PABPC3: variants seen among roughly 807,000 people sequenced by gnomAD.
PABPC3 encodes poly(A) binding protein cytoplasmic 3.
A neutral mutation model predicts 43.0 loss-of-function variants in PABPC3; 43 were observed. That is an observed-to-expected ratio of 1.00 (90% CI 0.78 to 1.29). The LOEUF is 1.29. PABPC3 is among the 50% of genes most tolerant of loss of function. PABPC3 has a pLI of 0.00. For synonymous variants in PABPC3, 221 were observed against 274.6 expected (o/e 0.80, Z 1.93); for missense variants, 784 against 798.1 (o/e 0.98, Z 0.21).
Position 25,098,092 on chromosome 13 carries a change from T to G in PABPC3, c.1894T>G (p.Ter632GluextTer2). 1 of 1,612,812 alleles carries G rather than the reference T, an allele frequency of 6.2e-7. No individual in the cohort carries two copies. Among genetic ancestry groups the G allele is most frequent in the South Asian group, 1.1e-5 (1 of 90,864 alleles). The part of the protein sequence containing the change: ...VNSATGVPTV[*>E] Reference sequence around the variant, plus strand: ...CAGTGCTACCGGTGTTCCAACTGTTTAAAATTGATCAGAGACCACGAAAAG... The same window carrying G: ...CAGTGCTACCGGTGTTCCAACTGTTGAAAATTGATCAGAGACCACGAAAAG... Residue 632 changes from the stop codon to glutamate (E), a stop_lost, in exon 1 of 1, where the codon TAA (stop) becomes GAA (glutamate). Coordinates refer to ENST00000281589, the MANE Select transcript of PABPC3 (RefSeq NM_030979.3).
rs1457957648 is a variant in PABPC3 at position 25,098,525 on chromosome 13, T to C, written c.*431T>C. 1.8e-5 allele frequency: 3 copies of C among 168,192 alleles called. No individual in the cohort carries two copies. Among genetic ancestry groups the C allele is most frequent in the African/African-American group, 7.2e-5 (3 of 41,454 alleles). 10.4% of individuals were successfully genotyped at this position (168,192 alleles called of 1,614,324 possible). ...ACTGAGCAAGGAAACATGGTTTGGA[T>C]TATAAAATTCTTGCTTTAATAAAAA... On this transcript the variant is annotated 3_prime_UTR_variant, in exon 1 of 1. Coordinates refer to ENST00000281589, the MANE Select transcript of PABPC3 (RefSeq NM_030979.3).
chr13:25,097,396 T>G lies in PABPC3; in HGVS notation c.1198T>G (p.Ser400Ala), dbSNP rs967007637. The change falls in exon 1 of 1, where the codon TCA (serine) becomes GCA (alanine). Residue 400 changes from serine (S) to alanine (A), a missense_variant. Physicochemically the swap from Ser to Ala is moderately conservative, Grantham distance 99. Coordinates refer to ENST00000281589, the MANE Select transcript of PABPC3 (RefSeq NM_030979.3). ...TGTGCCCAACCAGCGAGCACCTCCT[T>G]CAGGTTACTTCATGACAGCTGTCCC... The part of the protein sequence containing the change: ...RAVPNQRAPP[S>A]GYFMTAVPQT... 1.2e-5 allele frequency: 19 copies of G among 1,614,006 alleles called. No individual in the cohort carries two copies. The highest frequency in any genetic ancestry group is 1.7e-6 in the Non-Finnish European group (2 of 1,180,032).
In PABPC3 at chr13:25,097,876, C is replaced by G. The variant is rs778961048; in HGVS notation, c.1678C>G (p.Arg560Gly). The change falls in exon 1 of 1, where the codon CGG becomes GGG. Residue 560 changes from arginine to glycine, a missense_variant. Physicochemically the swap from Arg to Gly is moderately radical, Grantham distance 125. Transcript: ENST00000281589. ...AAAGCAAAAGCAAATGTTAGGTGAA[C>G]GGCTCTTTCCTCTTATTCAAGCCAT... ...PQKQKQMLGE[R>G]LFPLIQAMHP... The G allele has an allele frequency of 9.5e-6, 15 of 1,586,022 alleles. No individual in the cohort carries two copies. The highest frequency in any genetic ancestry group is 1.3e-5 in the Non-Finnish European group (15 of 1,169,022).
rs139134052 is a variant in PABPC3, at chr13:25,097,688, C to T, written c.1490C>T (p.Thr497Ile). Residue 497 changes from threonine (T) to isoleucine (I), a missense_variant, in exon 1 of 1, where the codon ACC becomes ATC. Transcript: ENST00000281589. Reference protein sequence around the residue: ...RPAAAAAAAATPAVRTVPRYK... With the variant: ...RPAAAAAAAAIPAVRTVPRYK... ...GCAGCTGCTGCTGCTGCTGCAGCTACCCCTGCTGTGCGCACGGTTCCACGG... is the reference window on the plus strand; with the variant it reads ...GCAGCTGCTGCTGCTGCTGCAGCTATCCCTGCTGTGCGCACGGTTCCACGG... 3,968 of 1,614,202 alleles carry T rather than the reference C, an allele frequency of 2.5e-3. 3 individuals are homozygous for T. Among genetic ancestry groups the T allele is most frequent in the Non-Finnish European group, 3.2e-3 (3,752 of 1,180,016 alleles).
At position 25,098,161 on chromosome 13, in the gene PABPC3, C is replaced by T. The variant is rs1320921632; in HGVS notation, c.*67C>T. On this transcript the variant is annotated 3_prime_UTR_variant, in exon 1 of 1. Transcript: ENST00000281589. Reference sequence around the variant, plus strand: ...AGAAAAATATCTAAACATCGAGAAACTATGGGAAAAAAAATTGCAAAATCT... The same window carrying T: ...AGAAAAATATCTAAACATCGAGAAATTATGGGAAAAAAAATTGCAAAATCT... 3.6e-6 allele frequency: 5 copies of T among 1,403,006 alleles called. No homozygotes were observed. In the African/African-American group the frequency reaches 7.3e-5, roughly 20 times the overall value. The allele number at this position is 1,403,006 out of a possible 1,614,324, so 86.9% of individuals were successfully genotyped here.
rs1180217094 is a variant in PABPC3, at chr13:25,099,064, C to CT, written c.*971dup. The CT allele has an allele frequency of 6.0e-6, 1 of 166,602 alleles. No homozygotes were observed. The highest frequency in any genetic ancestry group is 6.6e-5 in the Admixed American group (1 of 15,242). The allele number at this position is 166,602 out of a possible 1,614,324, so 10.3% of individuals were successfully genotyped here. A position where few individuals can be genotyped will look rare whatever the true frequency, so the allele number is the denominator to read the frequency against. ...CTCCTCCTCCCAATATAATTTATCA[C>CT]TACTTGTAGCTCCTTTATTGGTAAT... On this transcript the variant is annotated 3_prime_UTR_variant, in exon 1 of 1. Coordinates refer to ENST00000281589, the MANE Select transcript of PABPC3 (RefSeq NM_030979.3).
rs777549053 is a variant in PABPC3 at position 25,096,320 on chromosome 13, G to A, written c.122G>A (p.Arg41Gln). ...FSPAGPILSI[R>Q]ICRDLITSGS... ...CCGGCAGGGCCCATCCTCTCCATCC[G>A]GATCTGCAGGGACTTGATCACCAGC... is the stretch of plus-strand genomic sequence containing the variant. The change falls in exon 1 of 1, where the codon CGG becomes CAG. Residue 41 changes from arginine (R) to glutamine (Q), a missense_variant. Arg to Gln is a conservative substitution (Grantham distance 43, BLOSUM62 1). Coordinates refer to ENST00000281589, the MANE Select transcript of PABPC3 (RefSeq NM_030979.3). 1.9e-6 allele frequency: 3 copies of A among 1,614,248 alleles called. No individual in the cohort carries two copies.
rs531213141 is a variant in PABPC3 at position 25,098,493 on chromosome 13, A to G, written c.*399A>G. The G allele has an allele frequency of 3.9e-4, 69 of 176,290 alleles. 3 individuals are homozygous for G. In the South Asian group the frequency reaches 0.012, roughly 30 times the overall value. The allele number at this position is 176,290 out of a possible 1,614,324, so 10.9% of individuals were successfully genotyped here. On this transcript the variant is annotated 3_prime_UTR_variant, in exon 1 of 1. Coordinates refer to ENST00000281589, the MANE Select transcript of PABPC3 (RefSeq NM_030979.3). ...TGTCCATTCTGTTTTAAGTAACAGAATTGATAACTGAGCAAGGAAACATGG... is the reference window on the plus strand; with the variant it reads ...TGTCCATTCTGTTTTAAGTAACAGAGTTGATAACTGAGCAAGGAAACATGG...
Position 25,097,036 on chromosome 13 carries a change from T to A in PABPC3, c.838T>A (p.Phe280Ile). Residue 280 changes from phenylalanine to isoleucine, a missense_variant, in exon 1 of 1, where the codon TTT becomes ATT. Phe to Ile is a conservative substitution (Grantham distance 21, BLOSUM62 0). Transcript: ENST00000281589. ...ACGGCAGACGGAACTTAAGCGCACA[T>A]TTGAACAGATGAAGCAAGATAGGAT... Reference protein sequence around the residue: ...VERQTELKRTFEQMKQDRITR... With the variant: ...VERQTELKRTIEQMKQDRITR... 1 of 1,609,980 alleles carries A rather than the reference T, an allele frequency of 6.2e-7. No individual in the cohort carries two copies. Among genetic ancestry groups the A allele is most frequent in the Non-Finnish European group, 8.5e-7 (1 of 1,178,754 alleles).
Position 25,097,007 on chromosome 13 carries a change from T to G in PABPC3, c.809T>G (p.Val270Gly). The G allele has an allele frequency of 2.7e-6, 4 of 1,480,078 alleles. No individual in the cohort carries two copies. Among genetic ancestry groups the G allele is most frequent in the Middle Eastern group, 1.7e-4 (1 of 5,808 alleles). The allele number at this position is 1,480,078 out of a possible 1,614,324, so 91.7% of individuals were successfully genotyped here. ...TACGTTGGTCGAGCTCAGAAAAAAG[T>G]GGAACGGCAGACGGAACTTAAGCGC... The part of the protein sequence containing the change: ...QIYVGRAQKK[V>G]ERQTELKRTF... The change falls in exon 1 of 1, where the codon GTG becomes GGG. Residue 270 changes from valine (V) to glycine (G), a missense_variant. Physicochemically the swap from Val to Gly is moderately radical, Grantham distance 109. Transcript: ENST00000281589.
In PABPC3 at chr13:25,096,296, C is replaced by T. The variant is rs774277441; in HGVS notation, c.98C>T (p.Pro33Leu). 16 of 1,614,122 alleles carry T rather than the reference C, an allele frequency of 9.9e-6. No individual in the cohort carries two copies. In the African/African-American group the frequency reaches 1.2e-4, roughly 12 times the overall value. ...GCGATGCTCTACGAGAAGTTCAGCC[C>T]GGCAGGGCCCATCCTCTCCATCCGG... ...TEAMLYEKFS[P>L]AGPILSIRIC... The change falls in exon 1 of 1, where the codon CCG becomes CTG. Residue 33 changes from proline (P) to leucine (L), a missense_variant. Physicochemically the swap from Pro to Leu is moderately conservative, Grantham distance 98 (BLOSUM62 -3). Coordinates refer to ENST00000281589, the MANE Select transcript of PABPC3 (RefSeq NM_030979.3).
Position 25,098,424 on chromosome 13 carries a change from C to T in PABPC3, c.*330C>T, listed in dbSNP as rs1956061036. 4.1e-6 allele frequency: 1 copy of T among 241,692 alleles called. No homozygotes were observed. Among genetic ancestry groups the T allele is most frequent in the Non-Finnish European group, 8.5e-6 (1 of 117,092 alleles). 15.0% of individuals were successfully genotyped at this position (241,692 alleles called of 1,614,324 possible). ...TTCAGCAAAGTACAAAAATTTAAAG[C>T]ATTCCTTTAATTTTTTAATTCTTTA... On this transcript the variant is annotated 3_prime_UTR_variant, in exon 1 of 1. Coordinates refer to ENST00000281589, the MANE Select transcript of PABPC3 (RefSeq NM_030979.3).
In PABPC3 at chr13:25,098,251, C is replaced by G. The variant is rs1326904715; in HGVS notation, c.*157C>G. 2.1e-5 allele frequency: 14 copies of G among 652,046 alleles called. No individual in the cohort carries two copies. In the East Asian group the frequency reaches 3.8e-4, roughly 18 times the overall value. The allele number at this position is 652,046 out of a possible 1,614,324, so 40.4% of individuals were successfully genotyped here. A position where few individuals can be genotyped will look rare whatever the true frequency, so the allele number is the denominator to read the frequency against. ...GAAACTTTGAACCTTATGTACCGAGCAAATGCAAGGTCTAGCAAATATAAT... is the reference window on the plus strand; with the variant it reads ...GAAACTTTGAACCTTATGTACCGAGGAAATGCAAGGTCTAGCAAATATAAT... On this transcript the variant is annotated 3_prime_UTR_variant, in exon 1 of 1. Coordinates refer to ENST00000281589, the MANE Select transcript of PABPC3 (RefSeq NM_030979.3).
Position 25,096,194 on chromosome 13 carries a change from C to A in PABPC3, c.-5C>A, listed in dbSNP as rs780584126. 4.4e-6 allele frequency: 7 copies of A among 1,607,774 alleles called. No individual in the cohort carries two copies. The highest frequency in any genetic ancestry group is 6.0e-6 in the Non-Finnish European group (7 of 1,175,728). On this transcript the variant is annotated 5_prime_UTR_variant, in exon 1 of 1. Coordinates refer to ENST00000281589, the MANE Select transcript of PABPC3 (RefSeq NM_030979.3). ...CTTGTGTGCCTGCGGGCAGCCGTGC[C>A]GAGAATGAACCCCAGCACCCCCAGC...
rs563373116 is a variant in PABPC3 at position 25,097,735 on chromosome 13, C to T, written c.1537C>T (p.Arg513Cys). 9.9e-6 allele frequency: 16 copies of T among 1,614,022 alleles called. No homozygotes were observed. In the South Asian group the frequency reaches 1.2e-4, roughly 12 times the overall value. ...VPRYKYAAGV[R>C]NPQQHRNAQP... ...ACGGTATAAATATGCTGCGGGAGTT[C>T]GCAATCCTCAGCAACATCGTAATGC... The change falls in exon 1 of 1, where the codon CGC becomes TGC. Residue 513 changes from arginine (R) to cysteine (C), a missense_variant. Physicochemically the swap from Arg to Cys is radical, Grantham distance 180. Transcript: ENST00000281589.
chr13:25,098,147 T>C lies in PABPC3; in HGVS notation c.*53T>C. On this transcript the variant is annotated 3_prime_UTR_variant, in exon 1 of 1. Coordinates refer to ENST00000281589, the MANE Select transcript of PABPC3 (RefSeq NM_030979.3). The stretch of plus-strand genomic sequence containing the variant: ...TTGTGCTTCACCGAAGAAAAATATC[T>C]AAACATCGAGAAACTATGGGAAAAA... 6.8e-7 allele frequency: 1 copy of C among 1,475,640 alleles called. No homozygotes were observed. The highest frequency in any genetic ancestry group is 9.3e-7 in the Non-Finnish European group (1 of 1,069,674). The allele number at this position is 1,475,640 out of a possible 1,614,324, so 91.4% of individuals were successfully genotyped here. A position where few individuals can be genotyped will look rare whatever the true frequency, so the allele number is the denominator to read the frequency against.
At position 25,096,150 on chromosome 13, in the gene PABPC3, T is replaced by G. The variant is rs752819884; in HGVS notation, c.-49T>G. On this transcript the variant is annotated 5_prime_UTR_variant, in exon 1 of 1. Coordinates refer to ENST00000281589, the MANE Select transcript of PABPC3 (RefSeq NM_030979.3). ...CCGGCCCCGGCACGCGCTCTACTCC[T>G]GTAACGGAAAGGTCGCGGCTTGTGT... 10 of 1,570,886 alleles carry G rather than the reference T, an allele frequency of 6.4e-6. No individual in the cohort carries two copies. Among genetic ancestry groups the G allele is most frequent in the Non-Finnish European group, 8.7e-6 (10 of 1,155,608 alleles).
At position 25,097,480 on chromosome 13, in the gene PABPC3, A is replaced by C. The variant is rs1202292951; in HGVS notation, c.1282A>C (p.Ser428Arg). 6.2e-7 allele frequency: 1 copy of C among 1,614,142 alleles called. No individual in the cohort carries two copies. The highest frequency in any genetic ancestry group is 8.5e-7 in the Non-Finnish European group (1 of 1,180,056). The change falls in exon 1 of 1, where the codon AGT (serine) becomes CGT (arginine). Residue 428 changes from serine to arginine, a missense_variant. Transcript: ENST00000281589. ...PPSQIARLRP[S>R]PRWTAQGARP... ...TAGCCAAATTGCTCGACTAAGACCA[A>C]GTCCTCGCTGGACTGCTCAGGGTGC...
chr13:25,096,681 GCTC>G lies in PABPC3; in HGVS notation c.486_488del (p.Leu163del). ...GAGCTATTAAAAAAATGAACGGAAT[GCTC>G]CTAAATGGTCGCAAAGTATTTGTTG... On this transcript the variant is annotated inframe_deletion, in exon 1 of 1. Transcript: ENST00000281589. 2 of 1,614,270 alleles carry G rather than the reference GCTC, an allele frequency of 1.2e-6. No homozygotes were observed. Among genetic ancestry groups the G allele is most frequent in the Non-Finnish European group, 1.7e-6 (2 of 1,180,052 alleles).
Sources: gnomAD v4.1 joint callset for allele counts on GRCh38, gnomAD v4.1.1 for gene constraint, MANE v1.5 for transcripts, NCBI Gene and HGNC (gene_info 2026-07-23, HGNC 2026-07-21) for gene names.